The following DNAH5 variants were observed in gnomAD, a reference collection of about 807,000 sequenced individuals.
DNAH5 encodes dynein axonemal heavy chain 5.
DNAH5 carries 372 observed loss-of-function variants against 518.2 expected under a neutral mutation model. That is an observed-to-expected ratio of 0.72 (90% CI 0.66 to 0.78). The LOEUF (loss-of-function observed/expected upper bound fraction) is 0.78, where lower values mean the gene tolerates loss of function less well. Ranked by LOEUF, DNAH5 falls within the 30% of genes least tolerant of loss-of-function variation. The pLI is 0.00. For synonymous variants in DNAH5, 2,039 were observed against 2,025.9 expected (o/e 1.01, Z -0.17); for missense variants, 5,523 against 5,687.0 (o/e 0.97, Z 0.93).
Position 13,882,785 on chromosome 5 carries a change from A to G in DNAH5, c.3205T>C (p.Leu1069=). Residue 1069 remains leucine, a synonymous_variant, in exon 21 of 79, where the codon TTG becomes CTG. Coordinates refer to ENST00000265104, the MANE Select transcript of DNAH5 (RefSeq NM_001369.3). ...GAATCACTGTCTTCATTACTCTGCA[A>G]AGCAGCCATTTTTCTTTCTTGTATC... The part of the protein sequence containing the change: ...KKIQERKMAA[L]QSNEDSDSDV... 6.2e-7 allele frequency: 1 copy of G among 1,614,118 alleles called. No individual in the cohort carries two copies. Among genetic ancestry groups the G allele is most frequent in the South Asian group, 1.1e-5 (1 of 91,074 alleles).
intron 29 of DNAH5, among the ~76,000 whole-genome samples, chr5:13,859,891 T>TA (rs1768157178): frequency 6.6e-6 from 1 of 152,136 alleles, no homozygotes; most frequent in Admixed American, 6.5e-5. Context: ...TCCAGGGTAA[T>TA]ATAATTACCC....
intron 9 of DNAH5, 149 bp from the exon 10 acceptor site, chr5:13,914,791 C>G (rs796353425): frequency 1.3e-6 from 1 of 752,168 alleles, no homozygotes; most frequent in African/African-American, 1.8e-5. Context: ...CAGTTATAAT[C>G]CACCAATAAC....
chr5:13,720,876 G>C (rs1269610592), intron 71 of DNAH5, 124 bp downstream of exon 71: 2 of 1,337,626 alleles, frequency 1.5e-6, no homozygotes, highest in African/African-American at 1.5e-5. Flanking sequence ...AAAAAACGCT[G>C]TTTAGTAAAC....
At chr5:13,933,769 G>A (rs1778642482) in intron 1 of DNAH5, among the ~76,000 whole-genome samples, 1 of 125,468 alleles carries the variant, frequency 8.0e-6, no homozygotes, top group Non-Finnish European at 1.6e-5. Flanking sequence ...CAGCCTGGAT[G>A]ACAGAGTGAG....
At chr5:13,724,942 C>T (rs933439437) in intron 70 of DNAH5, among the ~76,000 whole-genome samples, 21 of 152,292 alleles carry the variant, frequency 1.4e-4, no homozygotes, top group Middle Eastern at 3.4e-3. Context: ...TTATAAATTA[C>T]CCAGTCTCAG....
chr5:13,861,007 T>C (rs1224663000), intron 29 of DNAH5, among the ~76,000 whole-genome samples: 2 of 152,196 alleles, frequency 1.3e-5, no homozygotes, highest in African/African-American at 4.8e-5. Context: ...CAGAGATCTT[T>C]CCCTTATTTG....
At chr5:13,795,052 C>T (rs1021717336) in intron 47 of DNAH5, among the ~76,000 whole-genome samples, 14 of 152,180 alleles carry the variant, frequency 9.2e-5, no homozygotes, top group Admixed American at 2.6e-4. Context: ...TTTAAAGCAG[C>T]GTGTAGAGGG....
chr5:13,724,071 G>T (rs1459724390), intron 70 of DNAH5, among the ~76,000 whole-genome samples: 1 of 152,226 alleles, frequency 6.6e-6, no homozygotes, highest in Admixed American at 6.5e-5. Flanking sequence ...TCTGAAACCA[G>T]ATATGCATGC....
rs143858741 is a variant in DNAH5 at position 13,766,136 on chromosome 5, C to T, written c.9941G>A (p.Arg3314His). The change falls in exon 59 of 79, where the codon CGC becomes CAC. Residue 3314 changes from arginine (R) to histidine (H), a missense_variant. This residue lies in a region of DNAH5 where 5,121 missense variants were observed against 5,223.3 expected (regional missense o/e 0.98). Coordinates refer to ENST00000265104, the MANE Select transcript of DNAH5 (RefSeq NM_001369.3). ...SDIATVRTLGRPPHLIMRIMD... is the reference protein window; with the variant it reads ...SDIATVRTLGHPPHLIMRIMD... Reference sequence around the variant, plus strand: ...GATCCGCATGATGAGGTGAGGGGGGCGGCCCAACGTGCGAACAGTGGCGAT... The same window carrying T: ...GATCCGCATGATGAGGTGAGGGGGGTGGCCCAACGTGCGAACAGTGGCGAT... 634 of 1,614,136 alleles carry T rather than the reference C, an allele frequency of 3.9e-4. 1 individual carries two copies. The African/African-American group carries it at 5.4e-3, about 14-fold the overall frequency.
At chr5:13,886,365 TC>T (rs1164690740) in intron 17 of DNAH5, among the ~76,000 whole-genome samples, 1 of 152,046 alleles carries the variant, frequency 6.6e-6, no homozygotes, top group African/African-American at 2.4e-5. Flanking sequence ...TACAGGCACT[TC>T]TCCACCAGTA....
In DNAH5 at chr5:13,866,114, A is replaced by C; in HGVS notation, c.4116+106T>G. On this transcript the variant is annotated intron_variant, in intron 26 of 78. Transcript: ENST00000265104. ...CGTATTTTTAATGCAAGTACATACC[A>C]TATTCCACAATAGGGCCCTCTATCT... The C allele has an allele frequency of 3.8e-6, 4 of 1,048,996 alleles. No homozygotes were observed. In the South Asian group the frequency reaches 5.6e-5, roughly 15 times the overall value. 65.0% of individuals were successfully genotyped at this position (1,048,996 alleles called of 1,614,324 possible). A position where few individuals can be genotyped will look rare whatever the true frequency, so the allele number is the denominator to read the frequency against.
At chr5:13,705,054 C>T (rs951276801) in intron 76 of DNAH5, among the ~76,000 whole-genome samples, 8 of 151,474 alleles carry the variant, frequency 5.3e-5, no homozygotes, top group African/African-American at 2.4e-5. Context: ...GGCAGTGGTG[C>T]GACCTTGGCT....
In DNAH5 at chr5:13,855,444, G is replaced by A. The variant is rs1278185906; in HGVS notation, c.4950+4008C>T. 8.1e-5 allele frequency among the ~76,000 whole-genome samples: 4 copies of A among 49,298 alleles called. 1 individual carries two copies. The highest frequency in any genetic ancestry group is 8.0e-4 in the South Asian group (1 of 1,256). The allele number at this position is 49,298 out of a possible 152,430, so 32.3% of individuals were successfully genotyped here. A position where few individuals can be genotyped will look rare whatever the true frequency, so the allele number is the denominator to read the frequency against. On this transcript the variant is annotated intron_variant, in intron 30 of 78. Coordinates refer to ENST00000265104, the MANE Select transcript of DNAH5 (RefSeq NM_001369.3). ...GGGATGGTCTCGATCTCCTGACCTCGTGATCCGCCCGCCTCGGCCTCCCAA... is the reference window on the plus strand; with the variant it reads ...GGGATGGTCTCGATCTCCTGACCTCATGATCCGCCCGCCTCGGCCTCCCAA...
chr5:13,951,251 C>G (rs1280491777), intron 1 of DNAH5, among the ~76,000 whole-genome samples: 2 of 107,146 alleles, frequency 1.9e-5, no homozygotes, highest in Admixed American at 1.5e-4. Context: ...GGGTCTTGCT[C>G]TGTCGCCCAG....
chr5:13,802,067 TAAA>T (rs907286194), intron 47 of DNAH5, among the ~76,000 whole-genome samples: 24 of 148,170 alleles, frequency 1.6e-4, no homozygotes, highest in African/African-American at 5.9e-4. Flanking sequence ...TACTGATTTT[TAAA>T]AAAAAAAAAT....
At chr5:13,706,253 T>A (rs1742774715) in intron 76 of DNAH5, among the ~76,000 whole-genome samples, 1 of 152,250 alleles carries the variant, frequency 6.6e-6, no homozygotes, top group African/African-American at 2.4e-5. Flanking sequence ...TTTCCATGCC[T>A]GCATTTCTGT....
chr5:13,837,961 A>T (rs1048538512), intron 35 of DNAH5, among the ~76,000 whole-genome samples: 2 of 151,936 alleles, frequency 1.3e-5, no homozygotes, highest in Admixed American at 6.5e-5. Context: ...CGGCCTCCCA[A>T]AGCGCTGGGA....
intron 30 of DNAH5, among the ~76,000 whole-genome samples, chr5:13,853,398 T>G (rs965532213): frequency 6.6e-6 from 1 of 152,048 alleles, no homozygotes; most frequent in African/African-American, 2.4e-5. Flanking sequence ...GGTAGATAAA[T>G]ACACGAAGAT....
At chr5:13,762,123 C>A (rs552339741) in intron 60 of DNAH5, among the ~76,000 whole-genome samples, 4 of 152,234 alleles carry the variant, frequency 2.6e-5, no homozygotes, top group Non-Finnish European at 4.4e-5. Flanking sequence ...GAAGACTGAC[C>A]TTTTAATGGT....
Sources: allele counts gnomAD v4.1 joint callset (sites outside exome capture counted in the v4.1 genomes callset), GRCh38; gene constraint gnomAD v4.1.1; regional missense constraint gnomAD v4.1.1; transcripts MANE v1.5; gene names NCBI Gene and HGNC (gene_info 2026-07-23, HGNC 2026-07-21).